Variants in FYB2 observed in about 807,000 individuals in gnomAD.
The protein encoded by FYB2 is FYN-binding protein 2.
Under a neutral mutation model 94.1 loss-of-function variants are expected in FYB2, and 103 were observed. The ratio of observed to expected loss-of-function variants is 1.09; its 90% CI spans 0.93 to 1.29. The LOEUF is 1.29. FYB2 is among the 50% of genes most tolerant of loss of function. The pLI, the probability that FYB2 is intolerant of heterozygous loss-of-function variation, is 0.00. For synonymous variants in FYB2, 293 were observed against 287.9 expected, an observed-to-expected ratio of 1.02 and a Z score of -0.18; for missense variants, 896 against 841.5, an observed-to-expected ratio of 1.06 and a Z score of -0.80.
Position 56,819,381 on chromosome 1 carries a change from A to G in FYB2, c.-91T>C, listed in dbSNP as rs911736735. 65 of 1,557,672 alleles carry G rather than the reference A, an allele frequency of 4.2e-5. No homozygotes were observed. In the Middle Eastern group the frequency reaches 6.8e-4, roughly 16 times the overall value. ...CAATCCGCTTTCCTCTGTCTCTGCT[A>G]GCCAGGGAGCAATCACTTCCCACAG... On this transcript the variant is annotated 5_prime_UTR_variant, in exon 1 of 20. Coordinates refer to ENST00000343433, the MANE Select transcript of FYB2 (RefSeq NM_001004303.5).
At chr1:56,802,309 G>T (rs112640108) in intron 1 of FYB2, among the ~76,000 whole-genome samples, 1 of 152,166 alleles carries the variant, frequency 6.6e-6, no homozygotes, top group African/African-American at 2.4e-5. Flanking sequence ...ATCTTCGGCT[G>T]ATAGCTGGGC....
intron 1 of FYB2, among the ~76,000 whole-genome samples, chr1:56,793,269 A>G (rs147006352): frequency 5.9e-4 from 90 of 152,188 alleles, no homozygotes; most frequent in African/African-American, 2.1e-3. Flanking sequence ...AACCAAACAG[A>G]ACTGTTTACA....
At chr1:56,722,710 G>A (rs1644508929) in intron 17 of FYB2, among the ~76,000 whole-genome samples, 1 of 152,020 alleles carries the variant, frequency 6.6e-6, no homozygotes, top group Admixed American at 6.6e-5. Flanking sequence ...GAAAGTGCAA[G>A]GCAAAGAGTG....
In FYB2 at chr1:56,727,467, A is replaced by G. The variant is rs200336200; in HGVS notation, c.1794-884T>C. ...TACTTATCAACAATCGAATGGATAAATGAATTATGGTATACACATACAATG... is the reference window on the plus strand; with the variant it reads ...TACTTATCAACAATCGAATGGATAAGTGAATTATGGTATACACATACAATG... On this transcript the variant is annotated intron_variant, in intron 15 of 19. Transcript: ENST00000343433. 2.0e-5 allele frequency among the ~76,000 whole-genome samples: 3 copies of G among 152,108 alleles called. No individual in the cohort carries two copies. The East Asian group carries it at 5.8e-4, about 29-fold the overall frequency.
chr1:56,823,772 T>G (rs1247624661), upstream of FYB2: 3 of 152,132 alleles, frequency 2.0e-5, no homozygotes, highest in African/African-American at 7.2e-5. Flanking sequence ...CTTTTGGTTC[T>G]TGTAAAGAAA....
intron 4 of FYB2, among the ~76,000 whole-genome samples, chr1:56,776,592 T>C (rs1007897621): frequency 6.6e-6 from 1 of 152,174 alleles, no homozygotes; most frequent in African/African-American, 2.4e-5. Flanking sequence ...CTCATTTTGA[T>C]CACTAGTCAA....
chr1:56,766,125 T>C (rs913498041), intron 5 of FYB2, among the ~76,000 whole-genome samples: 3 of 152,172 alleles, frequency 2.0e-5, no homozygotes, highest in African/African-American at 4.8e-5. Flanking sequence ...ACCAGCAGCA[T>C]TGATATCACC....
At chr1:56,762,760 C>T (rs857099) in intron 5 of FYB2, among the ~76,000 whole-genome samples, 32,075 of 152,040 alleles carry the variant, frequency 0.21, 3,583 homozygotes, top group South Asian at 0.33. Flanking sequence ...CTAGCTAGAA[C>T]GTCCAGCACT....
In FYB2 at chr1:56,742,063, G is replaced by A. The variant is rs565630875; in HGVS notation, c.1604+98C>T. ...ATGATGGGAGTCGGGGGTGGCAGTG[G>A]GGCTGGGGGGCGGATGGTGGGTCCT... is the stretch of plus-strand genomic sequence containing the variant. On this transcript the variant is annotated intron_variant, in intron 12 of 19. Transcript: ENST00000343433. 1.1e-3 allele frequency: 1,073 copies of A among 980,444 alleles called. 7 individuals carry two copies. Among genetic ancestry groups the A allele is most frequent in the South Asian group, 8.1e-3 (550 of 67,672 alleles). 60.7% of individuals were successfully genotyped at this position (980,444 alleles called of 1,614,324 possible). A position where few individuals can be genotyped will look rare whatever the true frequency, so the allele number is the denominator to read the frequency against.
In FYB2 at chr1:56,817,928, C is replaced by T. The variant is rs146553751; in HGVS notation, c.9+1354G>A. The stretch of plus-strand genomic sequence containing the variant: ...GTAAGCTCATGTCCCAGCTCTGCTG[C>T]CAGTGGTATGATACTGAGCAAGTGA... On this transcript the variant is annotated intron_variant, in intron 1 of 19. Transcript: ENST00000343433. 1.2e-3 allele frequency among the ~76,000 whole-genome samples: 185 copies of T among 152,296 alleles called. No individual in the cohort carries two copies. In the Middle Eastern group the frequency reaches 0.017, roughly 14 times the overall value.
At chr1:56,738,790 A>G in intron 13 of FYB2, 137 bp from the exon 14 acceptor site, 1 of 830,452 alleles carries the variant, frequency 1.2e-6, no homozygotes. Flanking sequence ...CCAAGTAAAA[A>G]TAGTTTCTCT....
At chr1:56,787,350 C>T (rs113081125) in intron 3 of FYB2, 142 bp from the exon 4 acceptor site, 11 of 919,692 alleles carry the variant, frequency 1.2e-5, no homozygotes, top group African/African-American at 1.1e-4. Context: ...TTACCTCCAC[C>T]CCAGCACCCA....
intron 5 of FYB2, among the ~76,000 whole-genome samples, chr1:56,766,517 T>A (rs938164469): frequency 3.3e-5 from 5 of 151,968 alleles, no homozygotes; most frequent in African/African-American, 1.2e-4. Context: ...CATTGCAAGC[T>A]CCGCCTCCCA....
At chr1:56,746,790 G>A (rs1447178676) in intron 9 of FYB2, among the ~76,000 whole-genome samples, 2 of 151,978 alleles carry the variant, frequency 1.3e-5, no homozygotes, top group African/African-American at 4.8e-5. Context: ...ATTAAACTGT[G>A]CACTTATATT....
intron 1 of FYB2, among the ~76,000 whole-genome samples, chr1:56,796,542 C>G (rs868329189): frequency 7.9e-5 from 12 of 152,258 alleles, no homozygotes; most frequent in Middle Eastern, 3.4e-3. Context: ...AGCTGTTAGA[C>G]AAACCTCTTT....
chr1:56,749,133 A>C (rs576275310), intron 9 of FYB2, among the ~76,000 whole-genome samples: 1 of 151,362 alleles, frequency 6.6e-6, no homozygotes, highest in African/African-American at 2.4e-5. Context: ...TTATTCTTTA[A>C]TGTTCTTCAT....
At position 56,724,203 on chromosome 1, in the gene FYB2, A is replaced by C. The variant is rs77137934; in HGVS notation, c.1881-522T>G. 7.9e-3 allele frequency among the ~76,000 whole-genome samples: 1,208 copies of C among 152,140 alleles called. 10 individuals carry two copies. Among genetic ancestry groups the C allele is most frequent in the Non-Finnish European group, 0.014 (949 of 67,942 alleles). ...ACCTAATTGGGGATCACAAGTCTAC[A>C]TGGTTCAATCGAAGAGCTCTCCAGT... On this transcript the variant is annotated intron_variant, in intron 16 of 19. Coordinates refer to ENST00000343433, the MANE Select transcript of FYB2 (RefSeq NM_001004303.5).
intron 1 of FYB2, among the ~76,000 whole-genome samples, chr1:56,796,583 C>A (rs771860687): frequency 6.6e-6 from 1 of 152,280 alleles, no homozygotes. Context: ...AAGTCCCTTA[C>A]GTGTTTTAAA....
At chr1:56,767,175 T>C (rs1645643635) in intron 5 of FYB2, among the ~76,000 whole-genome samples, 4 of 152,226 alleles carry the variant, frequency 2.6e-5, no homozygotes. Flanking sequence ...CACTAAAATG[T>C]GTGCCTTTTA....
Sources: allele counts gnomAD v4.1 joint callset (sites outside exome capture counted in the v4.1 genomes callset), GRCh38; gene constraint gnomAD v4.1.1; transcripts MANE v1.5; gene names NCBI Gene and HGNC (gene_info 2026-07-23, HGNC 2026-07-21).